MBTPS1: variants seen among roughly 807,000 people sequenced by gnomAD.
MBTPS1 encodes the protein membrane bound transcription factor peptidase, site 1.
In MBTPS1, 94 loss-of-function variants were observed where a neutral mutation model predicts 127.8. The observed-to-expected ratio is 0.74, with a 90% CI of 0.62 to 0.87. The LOEUF is 0.87. Among genes scored for constraint, MBTPS1 ranks in the 40% least tolerant of loss-of-function variants. The probability of loss-of-function intolerance (pLI) is 0.00; values close to 1 mark genes in which losing one functional copy is unlikely to be tolerated. For synonymous variants in MBTPS1, 632 were observed against 509.4 expected, an observed-to-expected ratio of 1.24 and a Z score of -3.24; for missense variants, 1,636 against 1,353.2, an observed-to-expected ratio of 1.21 and a Z score of -3.28.
chr16:84,084,318 C>G (rs1333242264), intron 10 of MBTPS1, among the ~76,000 whole-genome samples: 1 of 152,202 alleles, frequency 6.6e-6, no homozygotes, highest in African/African-American at 2.4e-5. Flanking sequence ...CACTAAGCTC[C>G]ATTCCAACTG....
chr16:84,087,546 C>T lies in MBTPS1; in HGVS notation c.1032-86G>A, dbSNP rs117760538. The T allele has an allele frequency of 1.9e-3, 1,583 of 841,534 alleles. 17 individuals carry two copies. The highest frequency in any genetic ancestry group is 0.013 in the South Asian group (813 of 64,216). The allele number at this position is 841,534 out of a possible 1,614,324, so 52.1% of individuals were successfully genotyped here. A position where few individuals can be genotyped will look rare whatever the true frequency, so the allele number is the denominator to read the frequency against. On this transcript the variant is annotated intron_variant, in intron 8 of 22. Coordinates refer to ENST00000343411, the MANE Select transcript of MBTPS1 (RefSeq NM_003791.4). ...TTAAAATGGATGATTCAAACCAGGG[C>T]GAATACTCCCAGAACAATCTAACAC...
Position 84,053,795 on chromosome 16 carries a change from G to GA in MBTPS1, c.*653dup, listed in dbSNP as rs1284902142. On this transcript the variant is annotated 3_prime_UTR_variant, in exon 23 of 23. Coordinates refer to ENST00000343411, the MANE Select transcript of MBTPS1 (RefSeq NM_003791.4). Reference sequence around the variant, plus strand: ...TTCAGACGGGTAATACATATTTATTGAAAATTTTCTTCACCGACAATGGTG... The same window carrying GA: ...TTCAGACGGGTAATACATATTTATTGAAAAATTTTCTTCACCGACAATGGTG... 1 of 152,176 alleles carries GA rather than the reference G, an allele frequency of 6.6e-6. No individual in the cohort carries two copies. Among genetic ancestry groups the GA allele is most frequent in the Non-Finnish European group, 1.5e-5 (1 of 68,020 alleles). The allele number at this position is 152,176 out of a possible 1,614,324, so 9.4% of individuals were successfully genotyped here.
chr16:84,088,953 G>A (rs1445120061), intron 8 of MBTPS1, among the ~76,000 whole-genome samples: 1 of 152,226 alleles, frequency 6.6e-6, no homozygotes, highest in East Asian at 1.9e-4. Context: ...TTCCTGGCAA[G>A]GCTCTGCTCC....
rs568776699 is a variant in MBTPS1, at chr16:84,106,211, C to G, written c.-324-4104G>C. ...TCAGTAGGCTCAGGCAGAAGAATCA[C>G]TTGAACCCAGGAGGCAGAGGTTGCA... On this transcript the variant is annotated intron_variant, in intron 1 of 22. Coordinates refer to ENST00000343411, the MANE Select transcript of MBTPS1 (RefSeq NM_003791.4). 2.0e-5 allele frequency among the ~76,000 whole-genome samples: 3 copies of G among 152,294 alleles called. No individual in the cohort carries two copies. The East Asian group carries it at 5.8e-4, about 29-fold the overall frequency.
Position 84,063,385 on chromosome 16 carries a change from TAA to T in MBTPS1, c.2490_2491del (p.Tyr831SerfsTer5). On this transcript the variant is annotated frameshift_variant, in exon 19 of 23. Transcript: ENST00000343411. LOFTEE classifies it high-confidence loss of function. ...GCCTCCACCCTCAGCTGGAATCTGA[TAA>T]AGTCCCAAAATGGGGACGTTTTCAA... is the stretch of plus-strand genomic sequence containing the variant. The T allele has an allele frequency of 6.2e-7, 1 of 1,614,162 alleles. No individual in the cohort carries two copies. Among genetic ancestry groups the T allele is most frequent in the Non-Finnish European group, 8.5e-7 (1 of 1,179,994 alleles).
intron 13 of MBTPS1, 50 bp downstream of exon 13, chr16:84,070,538 G>A: frequency 6.3e-7 from 1 of 1,584,416 alleles, no homozygotes; most frequent in Non-Finnish European, 8.6e-7. Context: ...CTCCCTGAAA[G>A]GTGATGTCAA....
chr16:84,070,723 G>A lies in MBTPS1; in HGVS notation c.1647C>T (p.Phe549=), dbSNP rs770379565. The part of the protein sequence containing the change: ...PQNGDNIEVA[F]SYSSVLWPWS... ...AAGGCCATAAGACCGAGGAGTAGGA[G>A]AAGGCAACTTCAATGTTGTCTCCGT... Residue 549 remains phenylalanine (F), a synonymous_variant, in exon 13 of 23, where the codon TTC becomes TTT. Coordinates refer to ENST00000343411, the MANE Select transcript of MBTPS1 (RefSeq NM_003791.4). 1.8e-5 allele frequency: 29 copies of A among 1,614,008 alleles called. No homozygotes were observed. The Admixed American group carries it at 4.5e-4, about 25-fold the overall frequency.
At chr16:84,105,497 G>A (rs533182759) in intron 1 of MBTPS1, among the ~76,000 whole-genome samples, 105 of 152,288 alleles carry the variant, frequency 6.9e-4, no homozygotes, top group African/African-American at 2.5e-3. Context: ...CACTGCAGCA[G>A]CTCTGGAAGA....
chr16:84,098,136 A>G (rs1465337347), intron 3 of MBTPS1, among the ~76,000 whole-genome samples: 3 of 152,186 alleles, frequency 2.0e-5, no homozygotes, highest in African/African-American at 4.8e-5. Context: ...GACAAGCCCA[A>G]TTGTAATGAA....
chr16:84,059,137 T>C (rs2085567634), intron 21 of MBTPS1, among the ~76,000 whole-genome samples, 165 bp downstream of exon 21: 2 of 152,234 alleles, frequency 1.3e-5, no homozygotes, highest in African/African-American at 4.8e-5. Flanking sequence ...AAAGAGCCTA[T>C]TTCCAAAGGC....
intron 1 of MBTPS1, among the ~76,000 whole-genome samples, chr16:84,109,989 T>C (rs866710068): frequency 2.0e-5 from 3 of 152,232 alleles, no homozygotes; most frequent in Non-Finnish European, 4.4e-5. Flanking sequence ...GGTTTCATAC[T>C]GTTCGTGCAA....
At chr16:84,072,064 G>A (rs1267201005) in intron 12 of MBTPS1, 1 of 152,284 alleles carries the variant, frequency 6.6e-6, no homozygotes. Context: ...ACCTAGAATA[G>A]CCAAATGCCC....
chr16:84,060,383 C>T, intron 20 of MBTPS1: 1 of 276,060 alleles, frequency 3.6e-6, no homozygotes, highest in Non-Finnish European at 7.0e-6. Flanking sequence ...TCTGTAGGAG[C>T]CACTGTCCTC....
At chr16:84,095,424 C>T (rs2086165118) in intron 4 of MBTPS1, among the ~76,000 whole-genome samples, 178 bp downstream of exon 4, 1 of 152,238 alleles carries the variant, frequency 6.6e-6, no homozygotes, top group Non-Finnish European at 1.5e-5. Flanking sequence ...ATGAGGAGTA[C>T]TTGGCTACCT....
At chr16:84,091,010 A>C in intron 7 of MBTPS1, 68 bp from the exon 8 acceptor site, 2 of 1,117,576 alleles carry the variant, frequency 1.8e-6, no homozygotes, top group Admixed American at 2.1e-5. Flanking sequence ...AAAAAAAAAA[A>C]AAAAACCATA....
chr16:84,090,823 G>T, intron 8 of MBTPS1, 52 bp downstream of exon 8: 1 of 1,316,034 alleles, frequency 7.6e-7, no homozygotes, highest in Non-Finnish European at 1.1e-6. Flanking sequence ...CAATTTTTCA[G>T]TTATTTAAGG....
At chr16:84,111,793 T>C (rs1251086321) in intron 1 of MBTPS1, among the ~76,000 whole-genome samples, 5 of 152,162 alleles carry the variant, frequency 3.3e-5, no homozygotes, top group African/African-American at 1.2e-4. Flanking sequence ...TTGTGGTCAT[T>C]TGTTACAATA....
intron 22 of MBTPS1, among the ~76,000 whole-genome samples, chr16:84,055,604 C>A (rs1188676292): frequency 6.6e-6 from 1 of 152,190 alleles, no homozygotes; most frequent in African/African-American, 2.4e-5. Context: ...GCCTTCTGGG[C>A]TGAGGGCTGG....
Position 84,060,685 on chromosome 16 carries a change from C to T in MBTPS1, c.2701G>A (p.Glu901Lys). The T allele has an allele frequency of 6.2e-7, 1 of 1,613,574 alleles. No individual in the cohort carries two copies. The highest frequency in any genetic ancestry group is 8.5e-7 in the Non-Finnish European group (1 of 1,179,596). ...GGCATCCTGCCCATCCACTCACCTT[C>T]CATCCTCTCTGGAGTGACTGAGCCT... Reference protein sequence around the residue: ...GAGSVTPERMEGNHLHRYSKV... With the variant: ...GAGSVTPERMKGNHLHRYSKV... Residue 901 changes from glutamate to lysine, a missense_variant, in exon 20 of 23, where the codon GAA becomes AAA. Coordinates refer to ENST00000343411, the MANE Select transcript of MBTPS1 (RefSeq NM_003791.4).
Sources: gnomAD v4.1 joint callset for allele counts (sites outside exome capture counted in the v4.1 genomes callset) on GRCh38, gnomAD v4.1.1 for gene constraint, MANE v1.5 for transcripts, NCBI Gene and HGNC (gene_info 2026-07-23, HGNC 2026-07-21) for gene names.